The following TNFSF8 variants were observed in gnomAD, a reference collection of about 807,000 sequenced individuals.
TNFSF8 encodes tumor necrosis factor ligand superfamily member 8.
In TNFSF8, 4 loss-of-function variants were observed where a neutral mutation model predicts 22.0. That is an observed-to-expected ratio of 0.18 (90% CI 0.09 to 0.42). TNFSF8 has a LOEUF of 0.42. TNFSF8 is among the 10% of genes least tolerant of loss of function. The pLI, the probability that TNFSF8 is intolerant of heterozygous loss-of-function variation, is 1.00. For missense variants in TNFSF8, 233 were observed against 281.8 expected (o/e 0.83, Z 1.24); for synonymous variants, 106 against 112.5 (o/e 0.94, Z 0.37).
At chr9:114,923,112 C>A (rs1380305455) in intron 1 of TNFSF8, among the ~76,000 whole-genome samples, 1 of 152,030 alleles carries the variant, frequency 6.6e-6, no homozygotes, top group African/African-American at 2.4e-5. Context: ...TCTATCAAAT[C>A]TTTTTATCAT....
At chr9:114,901,141 T>C (rs1827711646), downstream of TNFSF8, 1 of 985,252 alleles carries the variant, frequency 1.0e-6, no homozygotes, top group Non-Finnish European at 1.2e-6. Context: ...TTAGGTAGCC[T>C]GAGTTCCCAG....
At chr9:114,901,065 TG>T, downstream of TNFSF8, 2 of 984,460 alleles carry the variant, frequency 2.0e-6, no homozygotes, top group Non-Finnish European at 1.2e-6. Flanking sequence ...GGTGGGGAGG[TG>T]GGGTTCAGAG....
chr9:114,901,002 C>G, downstream of TNFSF8: 1 of 983,512 alleles, frequency 1.0e-6, no homozygotes, highest in Non-Finnish European at 1.2e-6. Flanking sequence ...GCTCACTTAC[C>G]ATCTTCCTCT....
Position 114,930,093 on chromosome 9 carries a change from A to C in TNFSF8, c.195+16T>G. 1 of 1,443,884 alleles carries C rather than the reference A, an allele frequency of 6.9e-7. No homozygotes were observed. 89.4% of individuals were successfully genotyped at this position (1,443,884 alleles called of 1,614,324 possible). ...AACAACAAGAAAAGGAAAGGGAGGAAGAGGAGTCCACTTACCGTCCTCTGA... is the reference window on the plus strand; with the variant it reads ...AACAACAAGAAAAGGAAAGGGAGGACGAGGAGTCCACTTACCGTCCTCTGA... On this transcript the variant is annotated intron_variant, in intron 1 of 3. Transcript: ENST00000223795.
At chr9:114,895,384 A>ACAGTCAGTTGGTTATCTAGTC (rs1827646341) in intron 4 of TNFSF8, among the ~76,000 whole-genome samples, 1 of 152,188 alleles carries the variant, frequency 6.6e-6, no homozygotes. Flanking sequence ...CATCTCGCAA[A>ACAGTCAGTTGGTTATCTAGTC]CAGTCAGTTG....
chr9:114,917,358 T>C (rs1249227114), intron 2 of TNFSF8, among the ~76,000 whole-genome samples: 1 of 152,240 alleles, frequency 6.6e-6, no homozygotes, highest in African/African-American at 2.4e-5. Context: ...TTCTGGGTTC[T>C]AGGCTTGGCT....
At chr9:114,895,514 A>G (rs1304231206) in intron 4 of TNFSF8, among the ~76,000 whole-genome samples, 1 of 152,182 alleles carries the variant, frequency 6.6e-6, no homozygotes, top group Non-Finnish European at 1.5e-5. Flanking sequence ...GCTTCAGTGG[A>G]TTTGAGGAAC....
chr9:114,913,849 G>A (rs1827881918), intron 2 of TNFSF8, among the ~76,000 whole-genome samples: 1 of 152,186 alleles, frequency 6.6e-6, no homozygotes, highest in Admixed American at 6.5e-5. Context: ...CCAATTCTTG[G>A]CACATAGTGA....
rs963089334 is a variant in TNFSF8 at position 114,901,844 on chromosome 9, A to G, written c.*2087T>C. On this transcript the variant is annotated 3_prime_UTR_variant, in exon 4 of 4. Coordinates refer to ENST00000223795, the MANE Select transcript of TNFSF8 (RefSeq NM_001244.4). ...AGGTTGACACAGCACACTGCTCAGC[A>G]GATGACTTAAAATTTTCCCTTAGCC... is the stretch of plus-strand genomic sequence containing the variant. 3.2e-6 allele frequency: 3 copies of G among 946,946 alleles called. No homozygotes were observed. Among genetic ancestry groups the G allele is most frequent in the Non-Finnish European group, 3.8e-6 (3 of 794,918 alleles). 58.7% of individuals were successfully genotyped at this position (946,946 alleles called of 1,614,324 possible).
intron 1 of TNFSF8, among the ~76,000 whole-genome samples, chr9:114,925,231 G>T (rs780446843): frequency 1.3e-5 from 2 of 152,126 alleles, no homozygotes; most frequent in African/African-American, 4.8e-5. Flanking sequence ...CTTATATACC[G>T]TCCAGTGGTG....
intron 1 of TNFSF8, among the ~76,000 whole-genome samples, chr9:114,924,174 C>G (rs1828028087): frequency 1.3e-5 from 2 of 152,258 alleles, no homozygotes; most frequent in South Asian, 4.1e-4. Flanking sequence ...TACAGATCAC[C>G]TGAGGAGCTT....
At chr9:114,899,716 G>A (rs752185718), downstream of TNFSF8, among the ~76,000 whole-genome samples, 37 of 152,164 alleles carry the variant, frequency 2.4e-4, no homozygotes, top group Non-Finnish European at 4.3e-4. Flanking sequence ...AACTGACCTG[G>A]CACTCACTGG....
At chr9:114,928,882 A>G (rs898954619) in intron 1 of TNFSF8, among the ~76,000 whole-genome samples, 3 of 152,216 alleles carry the variant, frequency 2.0e-5, no homozygotes, top group African/African-American at 7.2e-5. Context: ...AAGCCTTTTA[A>G]AGCCTAGTTC....
At chr9:114,909,861 G>A (rs1435116362) in intron 2 of TNFSF8, among the ~76,000 whole-genome samples, 1 of 152,212 alleles carries the variant, frequency 6.6e-6, no homozygotes. Context: ...GTAAGGATTT[G>A]CATAGTTTGG....
In TNFSF8 at chr9:114,901,805, G is replaced by T; in HGVS notation, c.*2126C>A. Reference sequence around the variant, plus strand: ...TAGACTTTACTAAATATTTCATAGAGGAGACCTAGGAGGAGGTTGACACAG... The same window carrying T: ...TAGACTTTACTAAATATTTCATAGATGAGACCTAGGAGGAGGTTGACACAG... On this transcript the variant is annotated 3_prime_UTR_variant, in exon 4 of 4. Transcript: ENST00000223795. The T allele has an allele frequency of 1.0e-6, 1 of 974,034 alleles. No homozygotes were observed. Among genetic ancestry groups the T allele is most frequent in the South Asian group, 4.7e-5 (1 of 21,082 alleles). The allele number at this position is 974,034 out of a possible 1,614,324, so 60.3% of individuals were successfully genotyped here.
Position 114,902,137 on chromosome 9 carries a change from C to T in TNFSF8, c.*1794G>A. 1 of 985,342 alleles carries T rather than the reference C, an allele frequency of 1.0e-6. No individual in the cohort carries two copies. Among genetic ancestry groups the T allele is most frequent in the Non-Finnish European group, 1.2e-6 (1 of 829,914 alleles). 61.0% of individuals were successfully genotyped at this position (985,342 alleles called of 1,614,324 possible). On this transcript the variant is annotated 3_prime_UTR_variant, in exon 4 of 4. Transcript: ENST00000223795. ...GTCCTTCCACAAATAAGATGTTCCT[C>T]CAAAGATGATGTACAGATGCCAAGT... is the stretch of plus-strand genomic sequence containing the variant.
At chr9:114,919,172 G>C (rs1323884338) in intron 1 of TNFSF8, among the ~76,000 whole-genome samples, 1 of 151,820 alleles carries the variant, frequency 6.6e-6, no homozygotes, top group Non-Finnish European at 1.5e-5. Flanking sequence ...TAATTAAATT[G>C]GGTCCCCATC....
intron 2 of TNFSF8, among the ~76,000 whole-genome samples, chr9:114,907,962 T>G (rs1827804818): frequency 6.6e-6 from 1 of 152,218 alleles, no homozygotes; most frequent in Non-Finnish European, 1.5e-5. Flanking sequence ...GATTCCTGAC[T>G]GCTGTCCGGG....
Position 114,901,377 on chromosome 9 carries a change from T to C in TNFSF8, c.*2554A>G. The C allele has an allele frequency of 1.0e-6, 1 of 985,430 alleles. No individual in the cohort carries two copies. Among genetic ancestry groups the C allele is most frequent in the Non-Finnish European group, 1.2e-6 (1 of 829,924 alleles). 61.0% of individuals were successfully genotyped at this position (985,430 alleles called of 1,614,324 possible). A position where few individuals can be genotyped will look rare whatever the true frequency, so the allele number is the denominator to read the frequency against. ...TCATTTAAATGATGTACCCCTTGTG[T>C]CTTTAGGTGTTGGCTTTCTTAGCAT... On this transcript the variant is annotated 3_prime_UTR_variant, in exon 4 of 4. Transcript: ENST00000223795.
Sources: allele counts gnomAD v4.1 joint callset (sites outside exome capture counted in the v4.1 genomes callset), GRCh38; gene constraint gnomAD v4.1.1; transcripts MANE v1.5; gene names NCBI Gene and HGNC (gene_info 2026-07-23, HGNC 2026-07-21).